EDIL3: variants seen among roughly 807,000 people sequenced by gnomAD.
EDIL3 encodes the protein EGF-like repeat and discoidin I-like domain-containing protein 3.
In EDIL3, 37 loss-of-function variants were observed where a neutral mutation model predicts 67.4. The ratio of observed to expected loss-of-function variants is 0.55; its 90% CI spans 0.42 to 0.72. The LOEUF (loss-of-function observed/expected upper bound fraction) is 0.72, where lower values mean the gene tolerates loss of function less well. Among genes scored for constraint, EDIL3 ranks in the 30% least tolerant of loss-of-function variants. The pLI is 0.00. For missense variants in EDIL3, 527 were observed against 586.3 expected (o/e 0.90, Z 1.04); for synonymous variants, 195 against 196.3 (o/e 0.99, Z 0.05).
At chr5:84,155,449 C>A (rs1748473419) in intron 4 of EDIL3, among the ~76,000 whole-genome samples, 1 of 152,000 alleles carries the variant, frequency 6.6e-6, no homozygotes, top group Non-Finnish European at 1.5e-5. Context: ...GTTTTTCATT[C>A]ATTGTGTTGG....
chr5:84,357,402 C>A (rs143179607), intron 1 of EDIL3, among the ~76,000 whole-genome samples: 1 of 152,046 alleles, frequency 6.6e-6, no homozygotes, highest in East Asian at 1.9e-4. Context: ...ATATATGGAC[C>A]TGCATATGAA....
chr5:84,014,385 G>A (rs923817748), intron 9 of EDIL3, among the ~76,000 whole-genome samples: 6 of 152,186 alleles, frequency 3.9e-5, no homozygotes, highest in Admixed American at 2.0e-4. Flanking sequence ...GGTGGCTCAG[G>A]CCTGTAATCC....
intron 1 of EDIL3, among the ~76,000 whole-genome samples, chr5:84,360,398 C>T (rs904178426): frequency 6.6e-6 from 1 of 152,114 alleles, no homozygotes. Context: ...TTAATTCAGT[C>T]AGAATGTAGA....
At chr5:84,030,120 A>AAAAC (rs1308790315) in intron 9 of EDIL3, among the ~76,000 whole-genome samples, 2 of 152,226 alleles carry the variant, frequency 1.3e-5, no homozygotes, top group Admixed American at 6.5e-5. Flanking sequence ...GTCCCTTTCT[A>AAAAC]AAACAATGAT....
intron 4 of EDIL3, among the ~76,000 whole-genome samples, chr5:84,147,164 T>TAA (rs558343418): frequency 1.3e-5 from 2 of 148,548 alleles, no homozygotes; most frequent in African/African-American, 4.9e-5. Context: ...AACTTTATAG[T>TAA]AAAAAAAAAA....
intron 4 of EDIL3, among the ~76,000 whole-genome samples, chr5:84,174,383 G>A (rs1159396454): frequency 1.3e-5 from 2 of 152,206 alleles, no homozygotes; most frequent in Non-Finnish European, 2.9e-5. Flanking sequence ...TGCCCTAGTG[G>A]ATACTAGAGT....
chr5:84,013,450 T>C (rs1179137593), intron 9 of EDIL3, among the ~76,000 whole-genome samples: 1 of 152,144 alleles, frequency 6.6e-6, no homozygotes, highest in East Asian at 1.9e-4. Flanking sequence ...TGAAACTATT[T>C]GATATTTATC....
chr5:84,018,156 C>G (rs901511216), intron 9 of EDIL3, among the ~76,000 whole-genome samples: 1 of 152,124 alleles, frequency 6.6e-6, no homozygotes, highest in Admixed American at 6.6e-5. Flanking sequence ...GCATGGTTGT[C>G]TAAAGTACAT....
intron 7 of EDIL3, among the ~76,000 whole-genome samples, chr5:84,066,069 C>G (rs565301192): frequency 1.3e-5 from 2 of 148,908 alleles, no homozygotes; most frequent in Non-Finnish European, 3.0e-5. Context: ...GAGCCGAGAT[C>G]GCGCCACTGC....
Position 84,232,505 on chromosome 5 carries a change from A to G in EDIL3, c.197-2621T>C, listed in dbSNP as rs116258749. Among the ~76,000 whole-genome samples, 765 of 152,336 alleles carry G rather than the reference A, an allele frequency of 5.0e-3. 5 individuals are homozygous for G. The highest frequency in any genetic ancestry group is 8.5e-3 in the Non-Finnish European group (575 of 68,034). On this transcript the variant is annotated intron_variant, in intron 2 of 10. Transcript: ENST00000296591. ...CAAGTACAGAAATGAAGACAATTCC[A>G]AATTTAGTAAGAGTCATAGTAATCA...
intron 1 of EDIL3, among the ~76,000 whole-genome samples, chr5:84,381,542 A>G (rs1205372777): frequency 4.6e-5 from 7 of 152,176 alleles, no homozygotes; most frequent in Middle Eastern, 3.2e-3. Context: ...TGTTATCTGG[A>G]GTGAGACTGT....
chr5:84,238,220 C>A (rs1176884490), intron 2 of EDIL3, among the ~76,000 whole-genome samples: 10 of 151,950 alleles, frequency 6.6e-5, no homozygotes, highest in Admixed American at 6.6e-4. Flanking sequence ...TCAAACATGA[C>A]TTTTTACCAT....
intron 1 of EDIL3, among the ~76,000 whole-genome samples, chr5:84,379,327 T>C (rs1401658965): frequency 1.3e-5 from 2 of 152,188 alleles, no homozygotes; most frequent in Non-Finnish European, 2.9e-5. Context: ...AATAACTGGC[T>C]TAAATGGGAT....
intron 10 of EDIL3, among the ~76,000 whole-genome samples, chr5:83,954,975 C>T (rs573782215): frequency 5.3e-4 from 81 of 151,762 alleles, no homozygotes; most frequent in Non-Finnish European, 1.0e-3. Flanking sequence ...GATCATTCTA[C>T]TGGGGAGCTA....
Position 84,102,452 on chromosome 5 carries a change from C to A in EDIL3, c.651+4197G>T, listed in dbSNP as rs143364485. Among the ~76,000 whole-genome samples, 377 of 151,956 alleles carry A rather than the reference C, an allele frequency of 2.5e-3. 4 individuals are homozygous for A. Among genetic ancestry groups the A allele is most frequent in the Admixed American group, 0.021 (321 of 15,216 alleles). On this transcript the variant is annotated intron_variant, in intron 6 of 10. Transcript: ENST00000296591. ...TAGGCCCGAAGGATCTAGGAAACCC[C>A]ACAGTCTAGGCCCGAATGATCCTTA...
intron 5 of EDIL3, among the ~76,000 whole-genome samples, chr5:84,125,875 T>G (rs1419792481): frequency 1.3e-5 from 2 of 152,050 alleles, no homozygotes; most frequent in African/African-American, 2.4e-5. Flanking sequence ...CGGTTGAATA[T>G]GCTCAACTTC....
intron 1 of EDIL3, among the ~76,000 whole-genome samples, chr5:84,336,648 C>T (rs963395262): frequency 6.6e-6 from 1 of 152,034 alleles, no homozygotes; most frequent in Non-Finnish European, 1.5e-5. Flanking sequence ...GAAGGTAATC[C>T]ATAATGAATT....
intron 1 of EDIL3, among the ~76,000 whole-genome samples, chr5:84,343,576 A>T (rs926284511): frequency 6.6e-6 from 1 of 152,116 alleles, no homozygotes; most frequent in Non-Finnish European, 1.5e-5. Flanking sequence ...TTAATGAGTG[A>T]TATAATATCT....
At position 84,281,983 on chromosome 5, in the gene EDIL3, C is replaced by T. The variant is rs147014493; in HGVS notation, c.68-27771G>A. On this transcript the variant is annotated intron_variant, in intron 1 of 10. Coordinates refer to ENST00000296591, the MANE Select transcript of EDIL3 (RefSeq NM_005711.5). Reference sequence around the variant, plus strand: ...CCGGATTCAAGTGATTCTGCTGCCTCAGCCTCTGAAGTAGCTGGGATTACA... The same window carrying T: ...CCGGATTCAAGTGATTCTGCTGCCTTAGCCTCTGAAGTAGCTGGGATTACA... Among the ~76,000 whole-genome samples the T allele has an allele frequency of 1.4e-3, 203 of 149,276 alleles. 4 individuals are homozygous for T. In the East Asian group the frequency reaches 0.037, roughly 27 times the overall value.
Sources: gnomAD v4.1 joint callset for allele counts (sites outside exome capture counted in the v4.1 genomes callset) on GRCh38, gnomAD v4.1.1 for gene constraint, MANE v1.5 for transcripts, NCBI Gene and HGNC (gene_info 2026-07-23, HGNC 2026-07-21) for gene names.